SETBP1: variants seen among roughly 807,000 people sequenced by gnomAD.
SETBP1 encodes the protein SET binding protein 1.
SETBP1 carries 9 observed loss-of-function variants against 101.0 expected under a neutral mutation model. That is an observed-to-expected ratio of 0.09 (90% CI 0.05 to 0.16). The LOEUF is 0.16. Among genes scored for constraint, SETBP1 ranks in the 10% least tolerant of loss-of-function variants. The pLI, the probability that SETBP1 is intolerant of heterozygous loss-of-function variation, is 1.00. For missense variants in SETBP1, 1,858 were observed against 2,033.8 expected (o/e 0.91, Z 1.66); for synonymous variants, 818 against 788.5 (o/e 1.04, Z -0.63).
intron 3 of SETBP1, among the ~76,000 whole-genome samples, chr18:44,944,978 C>G (rs576822505): frequency 5.5e-4 from 84 of 152,186 alleles, no homozygotes; most frequent in African/African-American, 1.9e-3. Flanking sequence ...AAAAAGAAAC[C>G]TGACTTACAC....
chr18:44,869,132 A>C, intron 2 of SETBP1, 98 bp from the exon 3 acceptor site: 16 of 1,084,278 alleles, frequency 1.5e-5, no homozygotes, highest in Non-Finnish European at 2.3e-5. Flanking sequence ...TGTAGCTCTC[A>C]TCCAGGCTAT....
At chr18:44,750,688 G>A (rs1383165570) in intron 2 of SETBP1, among the ~76,000 whole-genome samples, 3 of 152,076 alleles carry the variant, frequency 2.0e-5, no homozygotes, top group Non-Finnish European at 4.4e-5. Flanking sequence ...ACTTCTTCCG[G>A]GTTTCCTATC....
intron 4 of SETBP1, among the ~76,000 whole-genome samples, chr18:45,027,463 CT>C (rs1361956469): frequency 2.6e-5 from 4 of 152,200 alleles, no homozygotes; most frequent in African/African-American, 9.6e-5. Context: ...AATTATTTCT[CT>C]CTCATATAAG....
intron 3 of SETBP1, among the ~76,000 whole-genome samples, chr18:44,904,238 A>T (rs912100787): frequency 3.3e-5 from 5 of 152,196 alleles, no homozygotes; most frequent in Non-Finnish European, 7.4e-5. Flanking sequence ...CTCCTCTGTG[A>T]CTAACTTTTT....
chr18:44,819,278 G>A (rs983150140), intron 2 of SETBP1, among the ~76,000 whole-genome samples: 2 of 152,052 alleles, frequency 1.3e-5, no homozygotes, highest in African/African-American at 2.4e-5. Context: ...CCAGATACAC[G>A]CAAAATTCAT....
intron 2 of SETBP1, among the ~76,000 whole-genome samples, chr18:44,845,725 GC>G (rs2072711531): frequency 6.6e-6 from 1 of 152,152 alleles, no homozygotes; most frequent in Non-Finnish European, 1.5e-5. Flanking sequence ...GCAAGGCCGG[GC>G]CCCTAACTGC....
chr18:44,989,644 C>A (rs920336323), intron 4 of SETBP1, among the ~76,000 whole-genome samples: 2 of 151,342 alleles, frequency 1.3e-5, no homozygotes, highest in Admixed American at 6.6e-5. Flanking sequence ...CCGAGGCGGG[C>A]GGATCACGAG....
In SETBP1 at chr18:45,063,719, C is replaced by T. The variant is rs1320301176; in HGVS notation, c.*21C>T. 3 of 1,597,686 alleles carry T rather than the reference C, an allele frequency of 1.9e-6. No homozygotes were observed. The highest frequency in any genetic ancestry group is 1.7e-6 in the Non-Finnish European group (2 of 1,172,600). Reference sequence around the variant, plus strand: ...CCTAGGGCGGGTCTGGGCGTCTGCACCTGGGGCCTAGGGAACTGACACGTG... The same window carrying T: ...CCTAGGGCGGGTCTGGGCGTCTGCATCTGGGGCCTAGGGAACTGACACGTG... On this transcript the variant is annotated 3_prime_UTR_variant, in exon 6 of 6. Transcript: ENST00000649279.
chr18:44,819,239 G>A (rs534322661), intron 2 of SETBP1, among the ~76,000 whole-genome samples: 67 of 152,216 alleles, frequency 4.4e-4, no homozygotes, highest in African/African-American at 1.4e-3. Context: ...TCCATCACCT[G>A]GTTTCCTTTT....
At chr18:44,785,962 T>C (rs2071231131) in intron 2 of SETBP1, among the ~76,000 whole-genome samples, 1 of 152,188 alleles carries the variant, frequency 6.6e-6, no homozygotes, top group Non-Finnish European at 1.5e-5. Flanking sequence ...TTTTTCTCAC[T>C]CCATCACCCA....
intron 4 of SETBP1, among the ~76,000 whole-genome samples, chr18:45,033,423 T>C (rs988310335): frequency 2.0e-5 from 3 of 152,196 alleles, no homozygotes; most frequent in Non-Finnish European, 4.4e-5. Flanking sequence ...TCCACAGGGA[T>C]GCTGCAAGGG....
At chr18:45,021,216 A>G (rs1318430313) in intron 4 of SETBP1, among the ~76,000 whole-genome samples, 3 of 152,268 alleles carry the variant, frequency 2.0e-5, no homozygotes, top group Non-Finnish European at 4.4e-5. Context: ...TTTGCAAATT[A>G]AACAAGGCAT....
At chr18:45,033,173 G>C (rs2073331545) in intron 4 of SETBP1, among the ~76,000 whole-genome samples, 1 of 152,066 alleles carries the variant, frequency 6.6e-6, no homozygotes, top group Non-Finnish European at 1.5e-5. Flanking sequence ...TATTAGCGAG[G>C]GAATTATTAT....
intron 5 of SETBP1, among the ~76,000 whole-genome samples, chr18:45,042,787 G>C (rs1022886833): frequency 1.3e-5 from 2 of 152,168 alleles, no homozygotes; most frequent in Admixed American, 6.5e-5. Flanking sequence ...AGGAGATGCA[G>C]GAGAGAGTGG....
At chr18:44,839,670 G>A (rs2072576187) in intron 2 of SETBP1, among the ~76,000 whole-genome samples, 1 of 152,276 alleles carries the variant, frequency 6.6e-6, no homozygotes, top group African/African-American at 2.4e-5. Context: ...CATAACAACA[G>A]GTAGAGGACC....
At chr18:44,812,379 G>C (rs974541289) in intron 2 of SETBP1, among the ~76,000 whole-genome samples, 10 of 152,036 alleles carry the variant, frequency 6.6e-5, no homozygotes, top group African/African-American at 2.4e-4. Flanking sequence ...CTTGTAATTT[G>C]GATTGATTTT....
intron 2 of SETBP1, among the ~76,000 whole-genome samples, chr18:44,802,291 G>A (rs1446588210): frequency 6.6e-6 from 1 of 152,140 alleles, no homozygotes; most frequent in African/African-American, 2.4e-5. Context: ...AAGATTCATA[G>A]ATAAGTAGGT....
intron 3 of SETBP1, among the ~76,000 whole-genome samples, chr18:44,949,229 G>C (rs190386277): frequency 1.4e-4 from 22 of 152,180 alleles, no homozygotes; most frequent in Non-Finnish European, 2.9e-4. Context: ...TCCCATGCAG[G>C]CTTCATACTT....
chr18:44,944,952 C>T (rs912524756), intron 3 of SETBP1, among the ~76,000 whole-genome samples: 1 of 152,034 alleles, frequency 6.6e-6, no homozygotes, highest in African/African-American at 2.4e-5. Flanking sequence ...GAAAAATAAA[C>T]TAAAAAGTGC....
Sources: allele counts gnomAD v4.1 joint callset (sites outside exome capture counted in the v4.1 genomes callset), GRCh38; gene constraint gnomAD v4.1.1; transcripts MANE v1.5; gene names NCBI Gene and HGNC (gene_info 2026-07-23, HGNC 2026-07-21).